Variants in ARHGAP19 observed in about 807,000 individuals in gnomAD.
ARHGAP19 encodes rho GTPase-activating protein 19.
Under a neutral mutation model 60.9 loss-of-function variants are expected in ARHGAP19, and 48 were observed. The observed-to-expected ratio is 0.79, with a 90% CI of 0.62 to 1.00. ARHGAP19 has a LOEUF of 1.00. Among genes scored for constraint, ARHGAP19 ranks in the 50% least tolerant of loss-of-function variants. The pLI is 0.00. For synonymous variants in ARHGAP19, 209 were observed against 215.5 expected, an observed-to-expected ratio of 0.97 and a Z score of 0.27; for missense variants, 562 against 597.2, an observed-to-expected ratio of 0.94 and a Z score of 0.61.
intron 11 of ARHGAP19, among the ~76,000 whole-genome samples, chr10:97,227,701 G>T (rs140929805): frequency 2.0e-5 from 3 of 152,210 alleles, no homozygotes; most frequent in African/African-American, 7.2e-5. Context: ...ACATTTTTGA[G>T]AATCTAATTA....
chr10:97,279,653 T>C (rs889940312), intron 1 of ARHGAP19, among the ~76,000 whole-genome samples: 5 of 152,076 alleles, frequency 3.3e-5, no homozygotes, highest in Non-Finnish European at 7.4e-5. Flanking sequence ...CAGCCACACC[T>C]GGCTAATTTT....
chr10:97,233,954 G>A (rs536314221), intron 9 of ARHGAP19, among the ~76,000 whole-genome samples: 93 of 151,394 alleles, frequency 6.1e-4, no homozygotes, highest in Non-Finnish European at 1.1e-3. Context: ...GGGGTGGAGT[G>A]GGGGGAAGGA....
chr10:97,270,720 C>A (rs55965423), intron 1 of ARHGAP19: 3 of 1,516,940 alleles, frequency 2.0e-6, no homozygotes, highest in Non-Finnish European at 2.7e-6. Context: ...GCACAGCCTA[C>A]GCAAATTCCA....
chr10:97,226,997 A>G (rs11189046), intron 11 of ARHGAP19, among the ~76,000 whole-genome samples: 4,220 of 152,272 alleles, frequency 0.028, 187 homozygotes, highest in African/African-American at 0.093. Context: ...ACTTATCACA[A>G]CTGGGGGAAG....
chr10:97,289,851 T>C (rs1843206216), intron 1 of ARHGAP19, among the ~76,000 whole-genome samples: 1 of 137,010 alleles, frequency 7.3e-6, no homozygotes, highest in Non-Finnish European at 1.5e-5. Flanking sequence ...GAGCCCTGTG[T>C]TAAAAAAAAA....
chr10:97,253,848 A>G (rs2265598), intron 6 of ARHGAP19, among the ~76,000 whole-genome samples: 136,514 of 152,192 alleles, frequency 0.9, 61,887 homozygotes, highest in Non-Finnish European at 0.97. Context: ...AAATCTATCT[A>G]TGAAACTGTG....
intron 8 of ARHGAP19, among the ~76,000 whole-genome samples, chr10:97,238,999 C>T (rs1842426068): frequency 6.6e-6 from 1 of 152,174 alleles, no homozygotes; most frequent in Non-Finnish European, 1.5e-5. Flanking sequence ...TTACAATTGC[C>T]TACAGTACTC....
chr10:97,235,140 CTT>C, intron 9 of ARHGAP19, 75 bp downstream of exon 9: 1 of 1,411,260 alleles, frequency 7.1e-7, no homozygotes, highest in Non-Finnish European at 9.8e-7. Flanking sequence ...CAGAAGAAAA[CTT>C]TTTATGCATA....
intron 5 of ARHGAP19, 67 bp from the exon 6 acceptor site, chr10:97,256,471 C>T: frequency 8.8e-7 from 1 of 1,136,290 alleles, no homozygotes; most frequent in East Asian, 2.4e-5. Context: ...ACCAATAAGC[C>T]TGTTCTTTCA....
At chr10:97,270,726 T>C in intron 1 of ARHGAP19, 1 of 1,508,438 alleles carries the variant, frequency 6.6e-7, no homozygotes, top group Non-Finnish European at 8.9e-7. Flanking sequence ...CCTACGCAAA[T>C]TCCAGACATG....
chr10:97,235,669 C>T (rs1842362562), intron 8 of ARHGAP19, among the ~76,000 whole-genome samples: 1 of 152,158 alleles, frequency 6.6e-6, no homozygotes. Flanking sequence ...GTTACTGGCA[C>T]AATCTAAAAC....
chr10:97,229,750 G>C lies in ARHGAP19; in HGVS notation c.1395+14C>G. On this transcript the variant is annotated intron_variant, in intron 10 of 11. Coordinates refer to ENST00000358531, the MANE Select transcript of ARHGAP19 (RefSeq NM_032900.6). ...TATACAGACAGACAGACAGTCCAAA[G>C]AACAGTGTCTTACTAAGTTCCTATT... 6.5e-7 allele frequency: 1 copy of C among 1,537,728 alleles called. No homozygotes were observed. The highest frequency in any genetic ancestry group is 9.0e-7 in the Non-Finnish European group (1 of 1,114,292).
At chr10:97,241,331 A>G (rs1417521665) in intron 8 of ARHGAP19, among the ~76,000 whole-genome samples, 2 of 150,896 alleles carry the variant, frequency 1.3e-5, no homozygotes, top group African/African-American at 4.9e-5. Context: ...TTTACTTAAG[A>G]TCATATTTGA....
chr10:97,273,817 C>G (rs1842990548), intron 1 of ARHGAP19, among the ~76,000 whole-genome samples: 1 of 152,006 alleles, frequency 6.6e-6, no homozygotes, highest in Non-Finnish European at 1.5e-5. Flanking sequence ...ACAGCCAAAA[C>G]TGAAAAAGCA....
intron 5 of ARHGAP19, 144 bp downstream of exon 5, chr10:97,259,258 C>T (rs1589462971): frequency 4.5e-6 from 3 of 670,316 alleles, no homozygotes; most frequent in Middle Eastern, 2.6e-4. Context: ...GATGACTCTT[C>T]AATGAACTAA....
chr10:97,278,931 G>A (rs912575577), intron 1 of ARHGAP19, among the ~76,000 whole-genome samples: 1 of 152,012 alleles, frequency 6.6e-6, no homozygotes, highest in Non-Finnish European at 1.5e-5. Flanking sequence ...TGTTTTCCAA[G>A]AACCACAACC....
At chr10:97,272,131 C>CTTTTTTTTTT (rs35980234) in intron 1 of ARHGAP19, among the ~76,000 whole-genome samples, 6 of 85,634 alleles carry the variant, frequency 7.0e-5, no homozygotes, top group African/African-American at 2.0e-4. Context: ...GGAAATATGT[C>CTTTTTTTTTT]TTTTTTTTTT....
At chr10:97,253,372 T>C (rs1340206974) in intron 6 of ARHGAP19, among the ~76,000 whole-genome samples, 1 of 131,908 alleles carries the variant, frequency 7.6e-6, no homozygotes, top group African/African-American at 2.8e-5. Flanking sequence ...GAGTGAAAAC[T>C]CTATCTCAAA....
intron 1 of ARHGAP19, among the ~76,000 whole-genome samples, chr10:97,286,388 T>G (rs1178486594): frequency 2.6e-5 from 4 of 152,222 alleles, no homozygotes; most frequent in Admixed American, 6.5e-5. Flanking sequence ...GGTCAGGGGT[T>G]TAAGACCAGC....
Sources: gnomAD v4.1 joint callset for allele counts (sites outside exome capture counted in the v4.1 genomes callset) on GRCh38, gnomAD v4.1.1 for gene constraint, MANE v1.5 for transcripts, NCBI Gene and HGNC (gene_info 2026-07-23, HGNC 2026-07-21) for gene names.